FETUB: variants seen among roughly 807,000 people sequenced by gnomAD.
FETUB encodes fetuin-B.
Under a neutral mutation model 30.9 loss-of-function variants are expected in FETUB, and 28 were observed. The ratio of observed to expected loss-of-function variants is 0.90; its 90% CI spans 0.67 to 1.24. The LOEUF (loss-of-function observed/expected upper bound fraction) is 1.24. Among genes scored for constraint, FETUB ranks in the 50% most tolerant of loss-of-function variants. The pLI, the probability that FETUB is intolerant of heterozygous loss-of-function variation, is 0.00. For missense variants in FETUB, 469 were observed against 455.3 expected, an observed-to-expected ratio of 1.03 and a Z score of -0.27; for synonymous variants, 186 against 175.9, an observed-to-expected ratio of 1.06 and a Z score of -0.45.
In FETUB at chr3:186,646,342, ACT is replaced by A; in HGVS notation, c.692_693del (p.Ser231CysfsTer24). 2 of 1,610,498 alleles carry A rather than the reference ACT, an allele frequency of 1.2e-6. No homozygotes were observed. The highest frequency in any genetic ancestry group is 8.5e-7 in the Non-Finnish European group (1 of 1,176,934). On this transcript the variant is annotated frameshift_variant, in exon 5 of 7. Transcript: ENST00000265029. LOFTEE classifies it high-confidence loss of function. ...AGCAGCTGTTCACTTCAGTCCTCCG[ACT>A]CTGTGGTGAGTTTTCCTGAATGTCT... is the stretch of plus-strand genomic sequence containing the variant.
chr3:186,636,466 G>A (rs868194669), upstream of FETUB, among the ~76,000 whole-genome samples: 4 of 152,214 alleles, frequency 2.6e-5, no homozygotes, highest in African/African-American at 7.2e-5. Flanking sequence ...TAGCCATACC[G>A]CCATAGGGAT....
chr3:186,641,943 T>G (rs1403394080), intron 2 of FETUB: 1 of 152,570 alleles, frequency 6.6e-6, no homozygotes, highest in Non-Finnish European at 1.5e-5. Flanking sequence ...ACACAAAAAC[T>G]GTATACTCAC....
intron 5 of FETUB, among the ~76,000 whole-genome samples, chr3:186,649,216 A>G (rs1236153843): frequency 1.3e-5 from 2 of 152,200 alleles, no homozygotes; most frequent in Non-Finnish European, 2.9e-5. Flanking sequence ...CTGAAGCACC[A>G]TTCCCCAGAC....
chr3:186,641,093 A>C lies in FETUB; in HGVS notation c.289A>C (p.Arg97=). ...GCTAGAGACTGACTGCCATGTGCTC[A>C]GAAAGAAGGCATGGCAAGACTGTGG... ...DVLETDCHVL[R]KKAWQDCGMR... The change falls in exon 2 of 7, where the codon AGA becomes CGA. Residue 97 remains arginine, a synonymous_variant. Coordinates refer to ENST00000265029, the MANE Select transcript of FETUB (RefSeq NM_014375.3). The C allele has an allele frequency of 6.2e-7, 1 of 1,614,032 alleles. No homozygotes were observed. Among genetic ancestry groups the C allele is most frequent in the East Asian group, 2.2e-5 (1 of 44,878 alleles).
upstream of FETUB, chr3:186,640,287 G>T (rs1182404764): frequency 1.6e-6 from 1 of 623,404 alleles, no homozygotes; most frequent in Admixed American, 2.8e-5. Context: ...GAATCATTGG[G>T]AAATGCTATC....
At chr3:186,646,410 G>A (rs1717548997) in intron 5 of FETUB, 61 bp downstream of exon 5, 1 of 1,272,670 alleles carries the variant, frequency 7.9e-7, no homozygotes, top group Non-Finnish European at 1.1e-6. Context: ...AAGTGTTTGT[G>A]GAGCATAAAT....
upstream of FETUB, among the ~76,000 whole-genome samples, chr3:186,637,353 G>A (rs904006287): frequency 4.6e-5 from 7 of 152,162 alleles, no homozygotes; most frequent in African/African-American, 1.7e-4. Flanking sequence ...TGGTATTTTG[G>A]AGCCATGGCT....
chr3:186,640,393 A>G (rs1341655199), upstream of FETUB: 2 of 1,247,318 alleles, frequency 1.6e-6, no homozygotes, highest in South Asian at 1.2e-5. Flanking sequence ...TGCCTTAAAG[A>G]GCCTTACAAG....
chr3:186,646,412 A>G, intron 5 of FETUB, 63 bp downstream of exon 5: 1 of 1,232,666 alleles, frequency 8.1e-7, no homozygotes, highest in Non-Finnish European at 1.2e-6. Context: ...GTGTTTGTGG[A>G]GCATAAATTA....
At chr3:186,651,661 C>T (rs1297223438) in intron 6 of FETUB, 1 of 247,346 alleles carries the variant, frequency 4.0e-6, no homozygotes, top group African/African-American at 2.3e-5. Context: ...GTTTATTGCG[C>T]ACTTATTATA....
intron 5 of FETUB, among the ~76,000 whole-genome samples, chr3:186,650,170 TGGGG>T (rs10618470): frequency 8.4e-4 from 55 of 65,538 alleles, no homozygotes; most frequent in African/African-American, 2.3e-3. Flanking sequence ...TTGGCGGGGG[TGGGG>T]GGGGGGGGTA....
chr3:186,649,969 G>A (rs1162050697), intron 5 of FETUB, among the ~76,000 whole-genome samples: 2 of 151,970 alleles, frequency 1.3e-5, no homozygotes, highest in African/African-American at 4.8e-5. Context: ...AACGGACATG[G>A]TATTATTCTT....
Position 186,652,697 on chromosome 3 carries a change from GGACAGA to G in FETUB, c.*74_*79del. 1 of 1,519,212 alleles carries G rather than the reference GGACAGA, an allele frequency of 6.6e-7. No homozygotes were observed. Among genetic ancestry groups the G allele is most frequent in the Non-Finnish European group, 8.8e-7 (1 of 1,139,700 alleles). The allele number at this position is 1,519,212 out of a possible 1,614,324, so 94.1% of individuals were successfully genotyped here. A position where few individuals can be genotyped will look rare whatever the true frequency, so the allele number is the denominator to read the frequency against. On this transcript the variant is annotated 3_prime_UTR_variant, in exon 7 of 7. Transcript: ENST00000265029. ...TGACATGGGAGGCGATGGGGACGAT[GGACAGA>G]GACAGAGCGTGCACACGTAGAGTGG...
At chr3:186,649,164 G>A (rs930627577) in intron 5 of FETUB, among the ~76,000 whole-genome samples, 2 of 152,194 alleles carry the variant, frequency 1.3e-5, no homozygotes, top group Admixed American at 6.5e-5. Flanking sequence ...TTCTCTGAGA[G>A]CCCCTCCTCT....
intron 6 of FETUB, among the ~76,000 whole-genome samples, chr3:186,652,027 A>C (rs1179982666): frequency 6.6e-6 from 1 of 152,200 alleles, no homozygotes; most frequent in African/African-American, 2.4e-5. Flanking sequence ...TCTCTGGGCC[A>C]TTATTCAGCT....
chr3:186,652,498 T>G lies in FETUB; in HGVS notation c.1016T>G (p.Leu339Arg), dbSNP rs1170391527. Residue 339 changes from leucine (L) to arginine (R), a missense_variant, in exon 7 of 7, where the codon CTG becomes CGG. Leu to Arg is a moderately radical substitution (Grantham distance 102, BLOSUM62 -2). Coordinates refer to ENST00000265029, the MANE Select transcript of FETUB (RefSeq NM_014375.3). ...DLTTNPQGET[L>R]DISFLFLEPM... ...ACCACGAATCCCCAGGGAGAAACCC[T>G]GGATATTTCCTTCCTCTTCCTGGAG... 6.2e-6 allele frequency: 10 copies of G among 1,614,176 alleles called. No homozygotes were observed. The South Asian group carries it at 1.1e-4, about 18-fold the overall frequency.
chr3:186,640,541 C>G lies in FETUB; in HGVS notation c.81C>G (p.Asn27Lys). The change falls in exon 1 of 7, where the codon AAC becomes AAG. Residue 27 changes from asparagine to lysine, a missense_variant. By Grantham distance (94) the Asn-to-Lys change is moderately conservative. Coordinates refer to ENST00000265029, the MANE Select transcript of FETUB (RefSeq NM_014375.3). Reference sequence around the variant, plus strand: ...TGTCTCCACCCCAGCTGGCCCTCAACCCCTCGGCTCTGCTCTCCCGGGGCT... The same window carrying G: ...TGTCTCCACCCCAGCTGGCCCTCAAGCCCTCGGCTCTGCTCTCCCGGGGCT... ...GAMSPPQLALNPSALLSRGCN... is the reference protein window; with the variant it reads ...GAMSPPQLALKPSALLSRGCN... 2 of 1,614,206 alleles carry G rather than the reference C, an allele frequency of 1.2e-6. No homozygotes were observed. Among genetic ancestry groups the G allele is most frequent in the Non-Finnish European group, 1.7e-6 (2 of 1,180,016 alleles).
intron 2 of FETUB, chr3:186,642,170 G>A (rs964602356): frequency 1.3e-5 from 4 of 307,396 alleles, no homozygotes; most frequent in Admixed American, 5.1e-5. Context: ...GAGAACGTGG[G>A]AGACCCTTAT....
rs1437335554 is a variant in FETUB at position 186,652,762 on chromosome 3, C to G, written c.*131C>G. On this transcript the variant is annotated 3_prime_UTR_variant, in exon 7 of 7. Coordinates refer to ENST00000265029, the MANE Select transcript of FETUB (RefSeq NM_014375.3). Reference sequence around the variant, plus strand: ...GGACGCCTTTTTGACTCTTCTTGGTCTCAGCATGTTGACTGGGATTGGAAA... The same window carrying G: ...GGACGCCTTTTTGACTCTTCTTGGTGTCAGCATGTTGACTGGGATTGGAAA... The G allele has an allele frequency of 9.1e-7, 1 of 1,099,382 alleles. No homozygotes were observed. Among genetic ancestry groups the G allele is most frequent in the African/African-American group, 1.6e-5 (1 of 63,438 alleles). 68.1% of individuals were successfully genotyped at this position (1,099,382 alleles called of 1,614,324 possible). A position where few individuals can be genotyped will look rare whatever the true frequency, so the allele number is the denominator to read the frequency against.
Sources: gnomAD v4.1 joint callset for allele counts (sites outside exome capture counted in the v4.1 genomes callset) on GRCh38, gnomAD v4.1.1 for gene constraint, MANE v1.5 for transcripts, NCBI Gene and HGNC (gene_info 2026-07-23, HGNC 2026-07-21) for gene names.